The following PRKD1 variants were observed in gnomAD, a reference collection of about 807,000 sequenced individuals.
The protein encoded by PRKD1 is serine/threonine-protein kinase D1.
A neutral mutation model predicts 95.9 loss-of-function variants in PRKD1; 63 were observed. The observed-to-expected ratio is 0.66, with a 90% confidence interval of 0.54 to 0.81. PRKD1 has a LOEUF of 0.81. Ranked by LOEUF, PRKD1 falls within the 30% of genes least tolerant of loss-of-function variation. The pLI is 0.00. For missense variants in PRKD1, 1,048 were observed against 1,165.3 expected, an observed-to-expected ratio of 0.90 and a Z score of 1.47; for synonymous variants, 425 against 423.1, an observed-to-expected ratio of 1.00 and a Z score of -0.05.
At chr14:29,742,373 T>C (rs1471265852) in intron 1 of PRKD1, among the ~76,000 whole-genome samples, 3 of 152,214 alleles carry the variant, frequency 2.0e-5, no homozygotes, top group Non-Finnish European at 4.4e-5. Flanking sequence ...TGGACTCGCC[T>C]ACAAAGACCT....
intron 13 of PRKD1, among the ~76,000 whole-genome samples, chr14:29,609,546 A>T (rs934405879): frequency 2.0e-5 from 3 of 150,210 alleles, no homozygotes; most frequent in Non-Finnish European, 3.0e-5. Flanking sequence ...ACATATATAT[A>T]TTTTAATTTT....
At chr14:29,707,782 A>C (rs1468808988) in intron 2 of PRKD1, among the ~76,000 whole-genome samples, 2 of 152,070 alleles carry the variant, frequency 1.3e-5, no homozygotes, top group African/African-American at 4.8e-5. Context: ...GTAACTTTTC[A>C]CTGACTCCTG....
chr14:29,749,513 C>T (rs148212805), intron 1 of PRKD1, among the ~76,000 whole-genome samples: 2 of 152,250 alleles, frequency 1.3e-5, no homozygotes, highest in East Asian at 3.9e-4. Flanking sequence ...AGCACAGTCA[C>T]CAGCACCAAG....
chr14:29,899,250 T>C (rs1427721165), intron 1 of PRKD1, among the ~76,000 whole-genome samples: 1 of 152,188 alleles, frequency 6.6e-6, no homozygotes, highest in Non-Finnish European at 1.5e-5. Flanking sequence ...AAATCATTCA[T>C]GATTTATTGT....
intron 16 of PRKD1, among the ~76,000 whole-genome samples, chr14:29,582,065 G>T (rs1163830140): frequency 6.6e-6 from 1 of 151,552 alleles, no homozygotes; most frequent in African/African-American, 2.4e-5. Flanking sequence ...AGACACATCA[G>T]TTCTTGGTAA....
At chr14:29,656,514 T>C in intron 4 of PRKD1, 1 of 1,535,288 alleles carries the variant, frequency 6.5e-7, no homozygotes, top group Non-Finnish European at 8.7e-7. Flanking sequence ...AACATGAAGT[T>C]GTAAGAGCAA....
chr14:29,735,660 G>A (rs1385580055), intron 1 of PRKD1, among the ~76,000 whole-genome samples: 1 of 152,174 alleles, frequency 6.6e-6, no homozygotes, highest in Non-Finnish European at 1.5e-5. Context: ...GGAGGCAAGG[G>A]TTCTACCAGC....
chr14:29,616,065 AC>A (rs1878831276), intron 13 of PRKD1, among the ~76,000 whole-genome samples: 1 of 151,892 alleles, frequency 6.6e-6, no homozygotes, highest in Non-Finnish European at 1.5e-5. Flanking sequence ...AAAATGGATG[AC>A]CTCGCTCTGG....
At chr14:29,901,811 A>C (rs1894328708) in intron 1 of PRKD1, among the ~76,000 whole-genome samples, 1 of 152,158 alleles carries the variant, frequency 6.6e-6, no homozygotes, top group Admixed American at 6.5e-5. Context: ...CCTTACAACA[A>C]ACTCTGATGT....
chr14:29,867,426 G>A (rs1022997039), intron 1 of PRKD1, among the ~76,000 whole-genome samples: 2 of 152,150 alleles, frequency 1.3e-5, no homozygotes, highest in African/African-American at 4.8e-5. Flanking sequence ...AGCTCACCGT[G>A]CAAAGGCTCA....
chr14:29,612,214 TTAAC>T (rs1361601509), intron 13 of PRKD1, among the ~76,000 whole-genome samples: 3 of 152,178 alleles, frequency 2.0e-5, no homozygotes. Flanking sequence ...CAAAATGAGT[TTAAC>T]TAACATATTC....
At chr14:29,679,760 C>G (rs115877979) in intron 2 of PRKD1, among the ~76,000 whole-genome samples, 221 of 144,458 alleles carry the variant, frequency 1.5e-3, no homozygotes, top group African/African-American at 5.4e-3. Context: ...TGGAGTCTCA[C>G]TCTGTTGTCC....
At chr14:29,698,477 A>C (rs1459548966) in intron 2 of PRKD1, among the ~76,000 whole-genome samples, 1 of 152,202 alleles carries the variant, frequency 6.6e-6, no homozygotes, top group Admixed American at 6.5e-5. Flanking sequence ...TTGGCCTTCT[A>C]ACTTAATTTC....
At chr14:29,718,861 T>C (rs1190979764) in intron 2 of PRKD1, among the ~76,000 whole-genome samples, 13 of 152,160 alleles carry the variant, frequency 8.5e-5, no homozygotes, top group Admixed American at 8.5e-4. Context: ...ACAAAAACTA[T>C]ATCTATGCAA....
At chr14:29,757,744 G>C (rs1478133516) in intron 1 of PRKD1, among the ~76,000 whole-genome samples, 2 of 151,818 alleles carry the variant, frequency 1.3e-5, no homozygotes, top group African/African-American at 4.8e-5. Flanking sequence ...TCATAGATGA[G>C]GTCTTTCAAA....
intron 1 of PRKD1, among the ~76,000 whole-genome samples, chr14:29,808,227 A>G (rs890519154): frequency 1.3e-5 from 2 of 152,064 alleles, no homozygotes; most frequent in Non-Finnish European, 1.5e-5. Flanking sequence ...TGTCATTTAA[A>G]TAATGTTAAC....
intron 2 of PRKD1, among the ~76,000 whole-genome samples, chr14:29,707,583 G>T (rs137983285): frequency 2.6e-5 from 4 of 152,210 alleles, no homozygotes; most frequent in Non-Finnish European, 4.4e-5. Flanking sequence ...GATAATTTAT[G>T]ATATATATCT....
Position 29,578,266 on chromosome 14 carries a change from A to G in PRKD1, c.2520+9T>C, listed in dbSNP as rs1455727518. 9 of 1,580,700 alleles carry G rather than the reference A, an allele frequency of 5.7e-6. No individual in the cohort carries two copies. In the Middle Eastern group the frequency reaches 6.7e-4, roughly 117 times the overall value. ...ATTCAACTAAGAAAACTCAGTGATT[A>G]TTGTTTACCTGTAGCCAAGGGTGGC... is the stretch of plus-strand genomic sequence containing the variant. On this transcript the variant is annotated intron_variant, in intron 17 of 17. Transcript: ENST00000331968.
chr14:29,898,379 A>G (rs778414007), intron 1 of PRKD1, among the ~76,000 whole-genome samples: 1 of 152,136 alleles, frequency 6.6e-6, no homozygotes, highest in Non-Finnish European at 1.5e-5. Context: ...CAGTCAGTAG[A>G]ATGGTAAGTA....
Sources: allele counts gnomAD v4.1 joint callset (sites outside exome capture counted in the v4.1 genomes callset), GRCh38; gene constraint gnomAD v4.1.1; transcripts MANE v1.5; gene names NCBI Gene and HGNC (gene_info 2026-07-23, HGNC 2026-07-21).